HSPBP1: variants seen among roughly 807,000 people sequenced by gnomAD.
HSPBP1 encodes the protein HSPA (Hsp70) binding protein 1, also known as hsp70-binding protein 1.
Under a neutral mutation model 41.7 loss-of-function variants are expected in HSPBP1, and 31 were observed. The observed-to-expected ratio is 0.74, with a 90% CI of 0.56 to 1.00. The LOEUF is 1.00. Ranked by LOEUF, HSPBP1 falls within the 50% of genes least tolerant of loss-of-function variation. The pLI, the probability that HSPBP1 is intolerant of heterozygous loss-of-function variation, is 0.00. For missense variants in HSPBP1, 439 were observed against 487.9 expected, an observed-to-expected ratio of 0.90 and a Z score of 0.94; for synonymous variants, 199 against 214.4, an observed-to-expected ratio of 0.93 and a Z score of 0.63.
chr19:55,278,455 G>A (rs972388212), intron 2 of HSPBP1, among the ~76,000 whole-genome samples: 3 of 152,170 alleles, frequency 2.0e-5, no homozygotes, highest in East Asian at 1.9e-4. Flanking sequence ...AGTAATTGTC[G>A]ATTAAACATT....
Position 55,262,244 on chromosome 19 carries a change from T to G in HSPBP1, c.*364A>C. On this transcript the variant is annotated 3_prime_UTR_variant, in exon 8 of 8. Transcript: ENST00000433386. ...TCTATAGATGATAAAGAGCAACACTTTTATTATTCTTCCAGTGGCTCCCCA... is the reference window on the plus strand; with the variant it reads ...TCTATAGATGATAAAGAGCAACACTGTTATTATTCTTCCAGTGGCTCCCCA... The G allele has an allele frequency of 2.4e-6, 1 of 422,298 alleles. No individual in the cohort carries two copies. Among genetic ancestry groups the G allele is most frequent in the Non-Finnish European group, 3.3e-6 (1 of 303,940 alleles). 26.2% of individuals were successfully genotyped at this position (422,298 alleles called of 1,614,324 possible).
chr19:55,277,536 G>A, intron 3 of HSPBP1, 106 bp downstream of exon 3: 1 of 1,149,002 alleles, frequency 8.7e-7, no homozygotes, highest in African/African-American at 1.5e-5. Context: ...TGGTGAGAAG[G>A]CAGCAGGGAG....
chr19:55,262,650 C>G lies in HSPBP1; in HGVS notation c.1038G>C (p.Gln346His). The G allele has an allele frequency of 6.2e-7, 1 of 1,613,822 alleles. No homozygotes were observed. The highest frequency in any genetic ancestry group is 8.5e-7 in the Non-Finnish European group (1 of 1,179,860). The change falls in exon 8 of 8, where the codon CAG (glutamine) becomes CAC (histidine). Residue 346 changes from glutamine to histidine, a missense_variant. Coordinates refer to ENST00000433386, the MANE Select transcript of HSPBP1 (RefSeq NM_012267.5). ...EELEFCEKLL[Q>H]TCFSSPADDS... The stretch of plus-strand genomic sequence containing the variant: ...CGTCCGCTGGGCTGGAGAAACAGGT[C>G]TGTAGCAGCTTTTCACAGAACTCCA...
chr19:55,266,072 C>T (rs967489184), intron 5 of HSPBP1, 59 bp downstream of exon 5: 2 of 1,572,806 alleles, frequency 1.3e-6, no homozygotes, highest in South Asian at 1.2e-5. Context: ...TCTCCCACAC[C>T]TGCACCCACC....
intron 4 of HSPBP1, among the ~76,000 whole-genome samples, chr19:55,271,167 C>G (rs920118708): frequency 6.6e-6 from 1 of 152,036 alleles, no homozygotes; most frequent in Non-Finnish European, 1.5e-5. Context: ...CTCTTTTGTA[C>G]CTGGTGAACG....
rs576109203 is a variant in HSPBP1, at chr19:55,276,741, G to A, written c.415+901C>T. Among the ~76,000 whole-genome samples the A allele has an allele frequency of 1.7e-3, 256 of 152,186 alleles. 1 individual carries two copies. The highest frequency in any genetic ancestry group is 1.9e-3 in the Non-Finnish European group (126 of 68,006). On this transcript the variant is annotated intron_variant, in intron 3 of 7. Transcript: ENST00000433386. ...TAAGACGGGGAGACACTGGGGAAAG[G>A]TAAGCTAGAGGGTGGCGGCTGCACT...
chr19:55,265,200 A>C (rs1379917233), intron 7 of HSPBP1, 78 bp downstream of exon 7: 212 of 248,086 alleles, frequency 8.5e-4, no homozygotes, highest in East Asian at 1.4e-3. Flanking sequence ...CCCTCCCCAC[A>C]CACCTAGTCC....
chr19:55,274,489 C>T lies in HSPBP1; in HGVS notation c.549G>A (p.Val183=), dbSNP rs1443300811. The change falls in exon 4 of 8, where the codon GTG becomes GTA. Residue 183 remains valine (V), a synonymous_variant. Coordinates refer to ENST00000433386, the MANE Select transcript of HSPBP1 (RefSeq NM_012267.5). ...SQNVAAIQEQ[V]LGLGALRKLL... is the part of the protein sequence containing the mutation. ...GCTTACGCAGGGCACCCAGGCCCAGCACCTGCTCCTGGATGGCTGCCACGT... is the reference window on the plus strand; with the variant it reads ...GCTTACGCAGGGCACCCAGGCCCAGTACCTGCTCCTGGATGGCTGCCACGT... 2 of 1,591,614 alleles carry T rather than the reference C, an allele frequency of 1.3e-6. No individual in the cohort carries two copies. Among genetic ancestry groups the T allele is most frequent in the Admixed American group, 1.7e-5 (1 of 57,504 alleles).
At position 55,274,636 on chromosome 19, in the gene HSPBP1, G is replaced by A. The variant is rs949111959; in HGVS notation, c.416-14C>T. 1 of 1,595,510 alleles carries A rather than the reference G, an allele frequency of 6.3e-7. No individual in the cohort carries two copies. Among genetic ancestry groups the A allele is most frequent in the African/African-American group, 1.3e-5 (1 of 74,868 alleles). On this transcript the variant is annotated splice_polypyrimidine_tract_variant and intron_variant, in intron 3 of 7. Transcript: ENST00000433386. ...GCTGGCAGAAGTCTGTGCCACAGAG[G>A]GGAGCAGAGAGAGGCCAGATGTTAG...
At chr19:55,276,682 T>A (rs897685929) in intron 3 of HSPBP1, among the ~76,000 whole-genome samples, 1 of 151,970 alleles carries the variant, frequency 6.6e-6, no homozygotes, top group African/African-American at 2.4e-5. Context: ...TTAAAAGCCA[T>A]CCTGCGGATT....
intron 4 of HSPBP1, 39 bp downstream of exon 4, chr19:55,274,359 C>CCCCCCCCCCCCCGGG: frequency 1.2e-6 from 1 of 853,672 alleles, no homozygotes; most frequent in Non-Finnish European, 1.7e-6. Context: ...CCCCCCCCAC[C>CCCCCCCCCCCCCGGG]GCCAGCACCC....
In HSPBP1 at chr19:55,272,713, C is replaced by T. The variant is rs1156977008; in HGVS notation, c.640+1685G>A. 2.0e-5 allele frequency among the ~76,000 whole-genome samples: 3 copies of T among 152,040 alleles called. No individual in the cohort carries two copies. Among genetic ancestry groups the T allele is most frequent in the South Asian group, 2.1e-4 (1 of 4,822 alleles). On this transcript the variant is annotated intron_variant, in intron 4 of 7. Coordinates refer to ENST00000433386, the MANE Select transcript of HSPBP1 (RefSeq NM_012267.5). This position sits in a 1 kb window ranked among gnomAD's most constrained non-coding sequence, Gnocchi z 4.2. ...AAAATTAGCCGGGCGCGGTGGCGGG[C>T]GCCTGTAATCCCAGCTACTTGAGAG...
At chr19:55,271,274 G>A (rs2087917948) in intron 4 of HSPBP1, among the ~76,000 whole-genome samples, 1 of 151,390 alleles carries the variant, frequency 6.6e-6, no homozygotes, top group Admixed American at 6.6e-5. Flanking sequence ...GCAGTGGCAC[G>A]ATCTCAGCTG....
intron 2 of HSPBP1, among the ~76,000 whole-genome samples, chr19:55,278,101 G>A (rs999777691): frequency 1.3e-5 from 2 of 152,090 alleles, no homozygotes; most frequent in African/African-American, 4.8e-5. Context: ...ACAAAAATTA[G>A]CCAGGCCTGG....
intron 4 of HSPBP1, among the ~76,000 whole-genome samples, chr19:55,267,255 A>AT (rs1417136677): frequency 6.6e-5 from 10 of 152,228 alleles, no homozygotes; most frequent in Non-Finnish European, 8.8e-5. Context: ...GGTTCAAACT[A>AT]TTCTTCAGCC....
rs904897256 is a variant in HSPBP1 at position 55,274,469 on chromosome 19, C to T, written c.569G>A (p.Arg190His). 8.2e-6 allele frequency: 13 copies of T among 1,589,100 alleles called. No individual in the cohort carries two copies. The African/African-American group carries it at 1.3e-4, about 16-fold the overall frequency. Residue 190 changes from arginine to histidine, a missense_variant, in exon 4 of 8, where the codon CGT (arginine) becomes CAT (histidine). Coordinates refer to ENST00000433386, the MANE Select transcript of HSPBP1 (RefSeq NM_012267.5). The stretch of plus-strand genomic sequence containing the variant: ...GCGGTCCAGCAGCCGCAGCAGCTTA[C>T]GCAGGGCACCCAGGCCCAGCACCTG... ...QEQVLGLGALRKLLRLLDRDA... is the reference protein window; with the variant it reads ...QEQVLGLGALHKLLRLLDRDA...
intron 7 of HSPBP1, among the ~76,000 whole-genome samples, chr19:55,264,348 G>A (rs886345694): frequency 1.3e-5 from 2 of 152,206 alleles, no homozygotes; most frequent in Non-Finnish European, 2.9e-5. Flanking sequence ...GTCCCAAGGA[G>A]GTGGGTGCGT....
At chr19:55,267,659 C>T (rs1005365140) in intron 4 of HSPBP1, among the ~76,000 whole-genome samples, 2 of 152,018 alleles carry the variant, frequency 1.3e-5, no homozygotes, top group African/African-American at 4.8e-5. Flanking sequence ...CAGGGTTTTG[C>T]CATGTTGGCC....
At chr19:55,266,037 TC>T (rs2087765543) in intron 5 of HSPBP1, 55 bp from the exon 6 acceptor site, 1 of 1,559,540 alleles carries the variant, frequency 6.4e-7, no homozygotes, top group Non-Finnish European at 8.7e-7. Flanking sequence ...TCCTATGCCC[TC>T]CCCGGGATGC....
Sources: gnomAD v4.1 joint callset for allele counts (sites outside exome capture counted in the v4.1 genomes callset) on GRCh38, gnomAD v4.1.1 for gene constraint, Gnocchi (gnomAD v3.1) non-coding constraint, MANE v1.5 for transcripts, NCBI Gene and HGNC (gene_info 2026-07-23, HGNC 2026-07-21) for gene names.